KIAA1217: variants seen among roughly 807,000 people sequenced by gnomAD.
KIAA1217 encodes sickle tail protein homolog.
KIAA1217 carries 88 observed loss-of-function variants against 163.9 expected under a neutral mutation model. The ratio of observed to expected loss-of-function variants is 0.54; its 90% CI spans 0.45 to 0.64. The LOEUF (loss-of-function observed/expected upper bound fraction) is 0.64, where lower values mean the gene tolerates loss of function less well. Among genes scored for constraint, KIAA1217 ranks in the 30% least tolerant of loss-of-function variants. The probability of loss-of-function intolerance (pLI) is 0.00; values close to 1 mark genes in which losing one functional copy is unlikely to be tolerated. For missense variants in KIAA1217, 2,372 were observed against 2,475.0 expected (o/e 0.96, Z 0.88); for synonymous variants, 903 against 923.1 (o/e 0.98, Z 0.39).
chr10:23,976,667 G>A (rs1300448742), intron 1 of KIAA1217, among the ~76,000 whole-genome samples: 1 of 152,180 alleles, frequency 6.6e-6, no homozygotes, highest in African/African-American at 2.4e-5. Flanking sequence ...AAATGAAGAT[G>A]TGGAGGAAAT....
chr10:23,730,891 G>C (rs1367837053), intron 1 of KIAA1217, among the ~76,000 whole-genome samples: 1 of 152,064 alleles, frequency 6.6e-6, no homozygotes, highest in Admixed American at 6.6e-5. Flanking sequence ...AAGGCTTTTT[G>C]TTCAGTTCTT....
In KIAA1217 at chr10:24,544,426, A is replaced by G. The variant is rs200046607; in HGVS notation, c.5156A>G (p.Asp1719Gly). 113 of 1,613,952 alleles carry G rather than the reference A, an allele frequency of 7.0e-5. No homozygotes were observed. The highest frequency in any genetic ancestry group is 3.6e-5 in the Non-Finnish European group (43 of 1,180,010). ...TCTCCCCGACCCTTGCTAGTTCCGG[A>G]TGAAGGTCCCACTGCCCTAGAGCCC... ...EASPRPLLVP[D>G]EGPTALEPPT... The change falls in exon 19 of 21, where the codon GAT becomes GGT. Residue 1719 changes from aspartate to glycine, a missense_variant. Asp to Gly is a moderately conservative substitution (Grantham distance 94). This residue lies in a region of KIAA1217 where 690 missense variants were observed against 677.5 expected (regional missense o/e 1.02). Coordinates refer to ENST00000376454, the MANE Select transcript of KIAA1217 (RefSeq NM_019590.5).
chr10:24,370,163 G>C (rs1214576321), intron 2 of KIAA1217, among the ~76,000 whole-genome samples: 1 of 151,480 alleles, frequency 6.6e-6, no homozygotes, highest in African/African-American at 2.4e-5. Flanking sequence ...TACTCGGGAG[G>C]CTGAGGCAGG....
chr10:24,308,788 TG>T (rs1293293009), intron 2 of KIAA1217, among the ~76,000 whole-genome samples: 1 of 152,110 alleles, frequency 6.6e-6, no homozygotes, highest in Non-Finnish European at 1.5e-5. Context: ...TTCTACTTGA[TG>T]CAATGACTGG....
intron 2 of KIAA1217, among the ~76,000 whole-genome samples, chr10:24,284,055 A>G (rs992848451): frequency 2.0e-5 from 3 of 151,996 alleles, no homozygotes; most frequent in Non-Finnish European, 2.9e-5. Context: ...AACTATAGGC[A>G]CAGGTGACCA....
chr10:23,824,558 G>T (rs1228721918), intron 1 of KIAA1217, among the ~76,000 whole-genome samples: 1 of 142,796 alleles, frequency 7.0e-6, no homozygotes, highest in African/African-American at 2.6e-5. Context: ...AACCCGGGAG[G>T]CAGAGGTTGC....
chr10:24,424,803 A>G (rs993099668), intron 3 of KIAA1217, among the ~76,000 whole-genome samples: 3 of 152,088 alleles, frequency 2.0e-5, no homozygotes, highest in Admixed American at 6.5e-5. Context: ...GGGTTTCACC[A>G]TGTTGCCCAG....
rs1055300422 is a variant in KIAA1217, at chr10:24,266,375, G to A, written c.354+46466G>A. 4.5e-4 allele frequency among the ~76,000 whole-genome samples: 68 copies of A among 152,126 alleles called. 1 individual carries two copies. Among genetic ancestry groups the A allele is most frequent in the Admixed American group, 7.2e-4 (11 of 15,268 alleles). On this transcript the variant is annotated intron_variant, in intron 2 of 20. Transcript: ENST00000376454. Reference sequence around the variant, plus strand: ...ATTACAGGCGTGAGCCACCATGCTCGACCTAAAGACTGATCATTTTTTATC... The same window carrying A: ...ATTACAGGCGTGAGCCACCATGCTCAACCTAAAGACTGATCATTTTTTATC...
chr10:23,729,907 A>AT (rs33991778), intron 1 of KIAA1217, among the ~76,000 whole-genome samples: 1 of 126,518 alleles, frequency 7.9e-6, no homozygotes, highest in Non-Finnish European at 1.6e-5. Context: ...TTTCTATGAA[A>AT]TTTTTTTTTT....
intron 1 of KIAA1217, among the ~76,000 whole-genome samples, chr10:23,782,333 G>A (rs1345382356): frequency 1.3e-5 from 2 of 151,940 alleles, no homozygotes; most frequent in African/African-American, 4.8e-5. Flanking sequence ...ATTACAAATG[G>A]GATAGTTTTC....
chr10:24,307,323 G>T (rs921129538), intron 2 of KIAA1217, among the ~76,000 whole-genome samples: 3 of 152,110 alleles, frequency 2.0e-5, no homozygotes, highest in Non-Finnish European at 4.4e-5. Flanking sequence ...ACTGATAGTG[G>T]GTGTTATTAA....
intron 2 of KIAA1217, among the ~76,000 whole-genome samples, chr10:24,190,149 G>A (rs991661306): frequency 1.1e-4 from 16 of 152,162 alleles, no homozygotes; most frequent in African/African-American, 2.4e-4. Flanking sequence ...TGCGGCAGGC[G>A]TTTCCCCTTG....
At chr10:24,524,865 T>C in intron 13 of KIAA1217, 101 bp downstream of exon 13, 1 of 1,077,838 alleles carries the variant, frequency 9.3e-7, no homozygotes, top group South Asian at 1.7e-5. Flanking sequence ...TGATTGTGTA[T>C]GGATCAGAGA....
chr10:23,806,354 TA>T (rs1386673520), intron 1 of KIAA1217, among the ~76,000 whole-genome samples: 1 of 152,210 alleles, frequency 6.6e-6, no homozygotes, highest in Non-Finnish European at 1.5e-5. Context: ...AAACAAATGA[TA>T]AAATGTGAAT....
At chr10:23,798,246 C>A (rs774672693) in intron 1 of KIAA1217, among the ~76,000 whole-genome samples, 32 of 152,176 alleles carry the variant, frequency 2.1e-4, no homozygotes, top group Admixed American at 3.3e-4. Context: ...AAGAGGAAGA[C>A]ACAGAGCTTA....
intron 2 of KIAA1217, among the ~76,000 whole-genome samples, chr10:24,378,364 T>C (rs1385701938): frequency 6.6e-6 from 1 of 152,136 alleles, no homozygotes; most frequent in East Asian, 1.9e-4. Context: ...TGGGTAGCCC[T>C]GTACTTTATT....
intron 5 of KIAA1217, among the ~76,000 whole-genome samples, chr10:24,456,682 C>G (rs1366063667): frequency 6.6e-6 from 1 of 151,478 alleles, no homozygotes; most frequent in East Asian, 1.9e-4. Context: ...TGGAGGAGTA[C>G]TGATTGATGA....
At chr10:24,316,932 G>A (rs1378216994) in intron 2 of KIAA1217, among the ~76,000 whole-genome samples, 2 of 152,190 alleles carry the variant, frequency 1.3e-5, no homozygotes, top group Non-Finnish European at 2.9e-5. Context: ...GATACTGAGA[G>A]ACGCTCAGTG....
At chr10:24,122,118 C>T (rs1039200772) in intron 2 of KIAA1217, among the ~76,000 whole-genome samples, 1 of 152,116 alleles carries the variant, frequency 6.6e-6, no homozygotes, top group African/African-American at 2.4e-5. Flanking sequence ...CAGGTGTGAA[C>T]ATAGTACCCA....
Sources: gnomAD v4.1 joint callset for allele counts (sites outside exome capture counted in the v4.1 genomes callset) on GRCh38, gnomAD v4.1.1 for gene constraint, gnomAD v4.1.1 regional missense constraint, MANE v1.5 for transcripts, NCBI Gene and HGNC (gene_info 2026-07-23, HGNC 2026-07-21) for gene names.